CHEK1: variants seen among roughly 807,000 people sequenced by gnomAD.
The protein encoded by CHEK1 is checkpoint kinase 1.
In CHEK1, 32 loss-of-function variants were observed where a neutral mutation model predicts 60.2. The ratio of observed to expected loss-of-function variants is 0.53; its 90% CI spans 0.40 to 0.71. CHEK1 has a LOEUF of 0.71. Among genes scored for constraint, CHEK1 ranks in the 30% least tolerant of loss-of-function variants. CHEK1 has a pLI of 0.00. For missense variants in CHEK1, 399 were observed against 564.6 expected, an observed-to-expected ratio of 0.71 and a Z score of 2.97; for synonymous variants, 179 against 187.2, an observed-to-expected ratio of 0.96 and a Z score of 0.36.
chr11:125,643,989 T>C, intron 9 of CHEK1, 89 bp downstream of exon 9: 1 of 1,530,100 alleles, frequency 6.5e-7, no homozygotes, highest in Non-Finnish European at 9.0e-7. Flanking sequence ...ATAATCGACA[T>C]TAACATAATA....
intron 7 of CHEK1, 179 bp downstream of exon 7, chr11:125,635,712 C>A (rs558259482): frequency 4.0e-4 from 158 of 395,756 alleles, no homozygotes; most frequent in African/African-American, 3.0e-3. Flanking sequence ...AGTCCCAGAA[C>A]TCTGCAATAG....
chr11:125,644,657 A>G lies in CHEK1; in HGVS notation c.1233+14A>G. 2 of 1,609,556 alleles carry G rather than the reference A, an allele frequency of 1.2e-6. No homozygotes were observed. The highest frequency in any genetic ancestry group is 2.2e-5 in the South Asian group (2 of 90,118). ...TGTATGAATCAGGTGTGTTTCATTG[A>G]TTTTCATTATACCTTTTCCTGAAGA... On this transcript the variant is annotated intron_variant, in intron 11 of 12. Coordinates refer to ENST00000438015, the MANE Select transcript of CHEK1 (RefSeq NM_001114122.3).
intron 13 of CHEK1, among the ~76,000 whole-genome samples, chr11:125,670,165 A>T (rs765673724): frequency 3.3e-5 from 5 of 152,214 alleles, no homozygotes; most frequent in Admixed American, 6.5e-5. Flanking sequence ...TAGTACAGTA[A>T]ATACAATAAT....
intron 13 of CHEK1, among the ~76,000 whole-genome samples, chr11:125,662,818 C>T (rs916917588): frequency 2.0e-5 from 3 of 152,188 alleles, no homozygotes; most frequent in Non-Finnish European, 4.4e-5. Context: ...TCCAGAATGG[C>T]TGTACCATTT....
At position 125,637,494 on chromosome 11, in the gene CHEK1, C is replaced by T. The variant is rs745876688; in HGVS notation, c.764C>T (p.Thr255Ile). 1 of 1,610,046 alleles carries T rather than the reference C, an allele frequency of 6.2e-7. No homozygotes were observed. Among genetic ancestry groups the T allele is most frequent in the Non-Finnish European group, 8.5e-7 (1 of 1,177,974 alleles). Reference sequence around the variant, plus strand: ...GTTGAGAATCCATCAGCAAGAATTACCATTCCAGACATCAAAAAAGATAGA... The same window carrying T: ...GTTGAGAATCCATCAGCAAGAATTATCATTCCAGACATCAAAAAAGATAGA... ...ILVENPSARI[T>I]IPDIKKDRWY... The change falls in exon 8 of 13, where the codon ACC becomes ATC. Residue 255 changes from threonine (T) to isoleucine (I), a missense_variant. Coordinates refer to ENST00000438015, the MANE Select transcript of CHEK1 (RefSeq NM_001114122.3).
At chr11:125,672,262 G>A (rs1942223232) in intron 13 of CHEK1, 2 of 221,712 alleles carry the variant, frequency 9.0e-6, no homozygotes, top group East Asian at 1.1e-4. Context: ...TTTAGTGTCG[G>A]TGTGGAAGGA....
At chr11:125,675,511 A>G (rs1942459578) in intron 13 of CHEK1, among the ~76,000 whole-genome samples, 1 of 152,182 alleles carries the variant, frequency 6.6e-6, no homozygotes, top group African/African-American at 2.4e-5. Flanking sequence ...AAGAAGAAAA[A>G]CTACAAGAGG....
At chr11:125,650,458 G>GTTTTT (rs71279471) in intron 11 of CHEK1, among the ~76,000 whole-genome samples, 1,892 of 130,690 alleles carry the variant, frequency 0.014, 97 homozygotes, top group African/African-American at 0.044. Flanking sequence ...AGTGGTGTTT[G>GTTTTT]TTTTTTTTTT....
At chr11:125,676,570 G>C (rs1488723872), downstream of CHEK1, 9 of 1,459,250 alleles carry the variant, frequency 6.2e-6, no homozygotes, top group African/African-American at 1.4e-5. Context: ...GCAATAGGTA[G>C]CATGGATACT....
rs779293245 is a variant in CHEK1, at chr11:125,633,367, T to C, written c.613+16T>C. The C allele has an allele frequency of 6.6e-7, 1 of 1,516,744 alleles. No individual in the cohort carries two copies. Among genetic ancestry groups the C allele is most frequent in the Non-Finnish European group, 8.8e-7 (1 of 1,138,244 alleles). The allele number at this position is 1,516,744 out of a possible 1,614,324, so 94.0% of individuals were successfully genotyped here. A position where few individuals can be genotyped will look rare whatever the true frequency, so the allele number is the denominator to read the frequency against. ...CTCGCTGGAGGTAAGAGCTATTTAATCATGGTAAAACTCCTATAAAAAGTC... is the reference window on the plus strand; with the variant it reads ...CTCGCTGGAGGTAAGAGCTATTTAACCATGGTAAAACTCCTATAAAAAGTC... On this transcript the variant is annotated intron_variant, in intron 6 of 12. Coordinates refer to ENST00000438015, the MANE Select transcript of CHEK1 (RefSeq NM_001114122.3).
chr11:125,650,214 G>A (rs1021804873), intron 11 of CHEK1, among the ~76,000 whole-genome samples: 1 of 151,488 alleles, frequency 6.6e-6, no homozygotes, highest in Non-Finnish European at 1.5e-5. Context: ...TACTTGATGT[G>A]CCACAGTTCT....
rs1303809608 is a variant in CHEK1 at position 125,632,109 on chromosome 11, AT to A, written c.425-1048del. Reference sequence around the variant, plus strand: ...GCTATAATATTTTTTATGCTATAATATTTTTTATGCCATTAGCCTTTTTGTC... The same window carrying A: ...GCTATAATATTTTTTATGCTATAATATTTTTATGCCATTAGCCTTTTTGTC... On this transcript the variant is annotated intron_variant, in intron 5 of 12. Coordinates refer to ENST00000438015, the MANE Select transcript of CHEK1 (RefSeq NM_001114122.3). Among the ~76,000 whole-genome samples the A allele has an allele frequency of 4.6e-5, 7 of 152,156 alleles. No homozygotes were observed. In the East Asian group the frequency reaches 1.2e-3, roughly 25 times the overall value.
chr11:125,652,760 G>A (rs190839382), intron 11 of CHEK1, among the ~76,000 whole-genome samples: 10 of 152,244 alleles, frequency 6.6e-5, no homozygotes, highest in Non-Finnish European at 5.9e-5. Context: ...TTCATATAAT[G>A]TATAATGATC....
chr11:125,669,904 C>T (rs1942172250), intron 13 of CHEK1, among the ~76,000 whole-genome samples: 1 of 152,136 alleles, frequency 6.6e-6, no homozygotes, highest in African/African-American at 2.4e-5. Context: ...TGTTTTTCAC[C>T]CAATTTGGCA....
intron 5 of CHEK1, among the ~76,000 whole-genome samples, chr11:125,631,742 C>G (rs1380899220): frequency 6.6e-6 from 1 of 151,104 alleles, no homozygotes; most frequent in Non-Finnish European, 1.5e-5. Context: ...CCTGGAGTCC[C>G]AGCTACTTGG....
chr11:125,651,636 G>T (rs2847677), intron 11 of CHEK1, among the ~76,000 whole-genome samples: 1 of 152,084 alleles, frequency 6.6e-6, no homozygotes, highest in Non-Finnish European at 1.5e-5. Context: ...ATCGGCTTAA[G>T]ATAGTTTGTA....
chr11:125,649,386 A>AT lies in CHEK1; in HGVS notation c.1234-4350dup, dbSNP rs142402703. Among the ~76,000 whole-genome samples the AT allele has an allele frequency of 5.9e-3, 883 of 148,466 alleles. 3 individuals are homozygous for AT. The highest frequency in any genetic ancestry group is 0.017 in the African/African-American group (709 of 40,536). On this transcript the variant is annotated intron_variant, in intron 11 of 12. Transcript: ENST00000438015. ...CTTTTGGTTATTGTTTCCATGGTCT[A>AT]TTTTTTTTTTCCTTTTCCTTTTAAC... is the stretch of plus-strand genomic sequence containing the variant.
chr11:125,668,107 T>G (rs1942130751), intron 13 of CHEK1, among the ~76,000 whole-genome samples: 2 of 152,214 alleles, frequency 1.3e-5, no homozygotes, highest in Admixed American at 1.3e-4. Context: ...AATGAGGGTA[T>G]TTAACATTGA....
intron 5 of CHEK1, among the ~76,000 whole-genome samples, chr11:125,632,638 T>G (rs1940912349): frequency 6.6e-6 from 1 of 152,200 alleles, no homozygotes; most frequent in African/African-American, 2.4e-5. Flanking sequence ...ATTTTTTTTT[T>G]GTACAGAGTT....
Sources: gnomAD v4.1 joint callset for allele counts (sites outside exome capture counted in the v4.1 genomes callset) on GRCh38, gnomAD v4.1.1 for gene constraint, MANE v1.5 for transcripts, NCBI Gene and HGNC (gene_info 2026-07-23, HGNC 2026-07-21) for gene names.